Variants in GAPVD1 observed in about 807,000 individuals in gnomAD.
The protein encoded by GAPVD1 is GTPase-activating protein and VPS9 domain-containing protein 1.
Under a neutral mutation model 155.5 loss-of-function variants are expected in GAPVD1, and 35 were observed. The ratio of observed to expected loss-of-function variants is 0.23; its 90% CI spans 0.17 to 0.30. GAPVD1 has a LOEUF of 0.30. GAPVD1 is among the 10% of genes least tolerant of loss of function. GAPVD1 has a pLI of 1.00. For synonymous variants in GAPVD1, 636 were observed against 619.7 expected (o/e 1.03, Z -0.39); for missense variants, 1,429 against 1,775.7 (o/e 0.80, Z 3.51).
intron 2 of GAPVD1, among the ~76,000 whole-genome samples, chr9:125,291,689 GGAAGAGT>G (rs997891134): frequency 2.0e-5 from 3 of 152,054 alleles, no homozygotes; most frequent in Non-Finnish European, 4.4e-5. Flanking sequence ...GGTGGAGGGA[GGAAGAGT>G]GGTGTGAAAG....
intron 27 of GAPVD1, 74 bp from the exon 28 acceptor site, chr9:125,362,532 A>C: frequency 8.5e-7 from 1 of 1,182,928 alleles, no homozygotes; most frequent in Non-Finnish European, 1.2e-6. Context: ...AGAACATTCG[A>C]AGAACACTTA....
intron 10 of GAPVD1, among the ~76,000 whole-genome samples, chr9:125,322,481 A>T (rs1243566074): frequency 6.6e-6 from 1 of 152,186 alleles, no homozygotes; most frequent in East Asian, 1.9e-4. Flanking sequence ...CATGTAATGT[A>T]TGTTCATTCT....
intron 17 of GAPVD1, 58 bp downstream of exon 17, chr9:125,337,649 TC>T (rs774409056): frequency 1.2e-4 from 173 of 1,437,964 alleles, no homozygotes; most frequent in Non-Finnish European, 1.4e-4. Context: ...TCTCTTGATA[TC>T]TGAAATTAAC....
chr9:125,268,173 A>T (rs1343963956), intron 1 of GAPVD1, among the ~76,000 whole-genome samples: 1 of 149,272 alleles, frequency 6.7e-6, no homozygotes. Flanking sequence ...TCAAAAAAAA[A>T]CAACAACAAA....
chr9:125,347,983 A>G (rs1009261182), intron 20 of GAPVD1, among the ~76,000 whole-genome samples: 1 of 152,158 alleles, frequency 6.6e-6, no homozygotes, highest in Admixed American at 6.5e-5. Context: ...AGACTTATCA[A>G]TTCTTGACAT....
At chr9:125,291,895 G>C (rs553293971) in intron 2 of GAPVD1, among the ~76,000 whole-genome samples, 1 of 152,226 alleles carries the variant, frequency 6.6e-6, no homozygotes, top group East Asian at 1.9e-4. Context: ...ACTGTGAAAA[G>C]GATTGAAGAG....
chr9:125,309,046 T>C (rs1183332709), intron 8 of GAPVD1: 1 of 152,170 alleles, frequency 6.6e-6, no homozygotes, highest in Admixed American at 6.6e-5. Context: ...TGCCTGCCTA[T>C]TTATAACGAG....
At chr9:125,342,350 T>C (rs1847942083) in intron 19 of GAPVD1, 51 bp downstream of exon 19, 2 of 1,003,160 alleles carry the variant, frequency 2.0e-6, no homozygotes, top group East Asian at 4.7e-5. Context: ...AGCACATATT[T>C]CATAACACTT....
chr9:125,359,384 A>G (rs1315961328), intron 25 of GAPVD1, 36 bp from the exon 26 acceptor site: 2 of 1,175,760 alleles, frequency 1.7e-6, no homozygotes, highest in African/African-American at 3.0e-5. Flanking sequence ...ATTTTCTGAA[A>G]TGAATGTTTA....
intron 23 of GAPVD1, 56 bp downstream of exon 23, chr9:125,350,928 CT>C: frequency 1.5e-6 from 2 of 1,309,468 alleles, no homozygotes; most frequent in Non-Finnish European, 2.1e-6. Context: ...CAAGTGTTTT[CT>C]TTTTTATCCT....
At chr9:125,320,109 C>T (rs10986699) in intron 9 of GAPVD1, among the ~76,000 whole-genome samples, 3,030 of 152,106 alleles carry the variant, frequency 0.02, 116 homozygotes, top group East Asian at 0.088. Flanking sequence ...TAACCTGTAT[C>T]GCCTCACATA....
In GAPVD1 at chr9:125,302,037, A is replaced by C. The variant is rs890313644; in HGVS notation, c.240A>C (p.Thr80=). The part of the protein sequence containing the change: ...CCQHAKILED[T]QFVDGYKQLG... ...AACATGCCAAAATTTTGGAAGATAC[A>C]CAATTTGTTGATGGGTATAAGCAAT... The change falls in exon 5 of 28, where the codon ACA becomes ACC. Residue 80 remains threonine, a synonymous_variant. Coordinates refer to ENST00000297933, the MANE Select transcript of GAPVD1 (RefSeq NM_001282680.3). 2.5e-6 allele frequency: 4 copies of C among 1,608,882 alleles called. No homozygotes were observed. Among genetic ancestry groups the C allele is most frequent in the South Asian group, 1.1e-5 (1 of 89,822 alleles).
intron 20 of GAPVD1, among the ~76,000 whole-genome samples, chr9:125,348,063 T>A (rs1848760901): frequency 6.6e-6 from 1 of 152,118 alleles, no homozygotes; most frequent in Non-Finnish European, 1.5e-5. Context: ...TTTGTTTTTG[T>A]TTTTTTGTGA....
chr9:125,322,684 C>T (rs1241170883), intron 10 of GAPVD1, among the ~76,000 whole-genome samples: 1 of 91,562 alleles, frequency 1.1e-5, no homozygotes, highest in African/African-American at 1.0e-4. Flanking sequence ...TTTCCTTAAC[C>T]TCACATGGCA....
intron 1 of GAPVD1, 68 bp from the exon 2 acceptor site, chr9:125,268,868 G>T (rs1259229424): frequency 6.6e-6 from 1 of 151,850 alleles, no homozygotes; most frequent in East Asian, 1.9e-4. Context: ...AATAGCGAAA[G>T]TAGGTACATT....
chr9:125,320,478 A>G (rs973501383), intron 9 of GAPVD1, among the ~76,000 whole-genome samples: 4 of 152,116 alleles, frequency 2.6e-5, no homozygotes, highest in African/African-American at 9.7e-5. Flanking sequence ...GATCAAGTGG[A>G]CGTTCAGACT....
chr9:125,307,394 T>G lies in GAPVD1; in HGVS notation c.1117-19T>G, dbSNP rs773973209. The G allele has an allele frequency of 6.5e-7, 1 of 1,548,762 alleles. No homozygotes were observed. The highest frequency in any genetic ancestry group is 1.4e-5 in the African/African-American group (1 of 72,416). On this transcript the variant is annotated intron_variant, in intron 6 of 27. Coordinates refer to ENST00000297933, the MANE Select transcript of GAPVD1 (RefSeq NM_001282680.3). ...ATTTTAAAGGGAAATGTTTCACTGT[T>G]TTTTTCCTGTTTTAACAGAGCTGTG... is the stretch of plus-strand genomic sequence containing the variant.
chr9:125,362,937 C>G lies in GAPVD1; in HGVS notation c.*191C>G. The G allele has an allele frequency of 2.6e-6, 1 of 379,574 alleles. No homozygotes were observed. The highest frequency in any genetic ancestry group is 4.7e-6 in the Non-Finnish European group (1 of 212,444). The allele number at this position is 379,574 out of a possible 1,614,324, so 23.5% of individuals were successfully genotyped here. A position where few individuals can be genotyped will look rare whatever the true frequency, so the allele number is the denominator to read the frequency against. On this transcript the variant is annotated 3_prime_UTR_variant, in exon 28 of 28. Transcript: ENST00000297933. Reference sequence around the variant, plus strand: ...GGTTCTCTCGTCTTTGGGCTCTTTCCTTTCTGAGTTGCATATTCTATTTTC... The same window carrying G: ...GGTTCTCTCGTCTTTGGGCTCTTTCGTTTCTGAGTTGCATATTCTATTTTC...
chr9:125,263,999 G>T (rs35216121), intron 1 of GAPVD1: 527,944 of 1,239,856 alleles, frequency 0.43, 120,538 homozygotes, highest in South Asian at 0.52. Context: ...GTTCTTGTCT[G>T]CCAGCTCTGG....
Sources: gnomAD v4.1 joint callset for allele counts (sites outside exome capture counted in the v4.1 genomes callset) on GRCh38, gnomAD v4.1.1 for gene constraint, MANE v1.5 for transcripts, NCBI Gene and HGNC (gene_info 2026-07-23, HGNC 2026-07-21) for gene names.